CBL: variants seen among roughly 807,000 people sequenced by gnomAD.
The protein encoded by CBL is Cbl proto-oncogene.
In CBL, 45 loss-of-function variants were observed where a neutral mutation model predicts 96.9. The observed-to-expected ratio is 0.46, with a 90% CI of 0.37 to 0.60. CBL has a LOEUF of 0.60. CBL is among the 20% of genes least tolerant of loss of function. CBL has a pLI of 0.00. For missense variants in CBL, 1,024 were observed against 1,143.5 expected (o/e 0.90, Z 1.51); for synonymous variants, 420 against 426.8 (o/e 0.98, Z 0.20).
At chr11:119,268,951 C>A (rs768153975) in intron 2 of CBL, among the ~76,000 whole-genome samples, 1 of 152,184 alleles carries the variant, frequency 6.6e-6, no homozygotes, top group Non-Finnish European at 1.5e-5. Flanking sequence ...TCTCAATAAT[C>A]TAGTTTAGGG....
intron 11 of CBL, among the ~76,000 whole-genome samples, chr11:119,286,064 C>A (rs183654130): frequency 1.3e-5 from 2 of 152,066 alleles, no homozygotes; most frequent in Non-Finnish European, 1.5e-5. Flanking sequence ...TTTAGGAGGC[C>A]GAGGCGGGTG....
intron 1 of CBL, among the ~76,000 whole-genome samples, chr11:119,231,247 A>G (rs1236000651): frequency 6.6e-6 from 1 of 152,126 alleles, no homozygotes; most frequent in Non-Finnish European, 1.5e-5. Flanking sequence ...TACTAAAAAT[A>G]TGAAAATTAG....
chr11:119,261,696 G>T lies in CBL; in HGVS notation c.444-10039G>T, dbSNP rs1351259603. 6.6e-5 allele frequency among the ~76,000 whole-genome samples: 10 copies of T among 152,314 alleles called. No homozygotes were observed. The East Asian group carries it at 1.9e-3, about 29-fold the overall frequency. ...CTTTCAATTGTGGGCAAATGCTCCA[G>T]TGCATGTAATTCTACTTATTAAAGT... On this transcript the variant is annotated intron_variant, in intron 2 of 15. Transcript: ENST00000264033.
At chr11:119,224,981 A>AG (rs1439288390) in intron 1 of CBL, among the ~76,000 whole-genome samples, 1 of 152,000 alleles carries the variant, frequency 6.6e-6, no homozygotes, top group South Asian at 2.1e-4. Context: ...ATGTTGTTGA[A>AG]GGGTCAACTG....
At chr11:119,263,139 T>C (rs944160027) in intron 2 of CBL, among the ~76,000 whole-genome samples, 1 of 152,174 alleles carries the variant, frequency 6.6e-6, no homozygotes, top group Non-Finnish European at 1.5e-5. Context: ...GAGAGAAGCA[T>C]ATATTGTTGA....
At chr11:119,234,368 C>T (rs981895151) in intron 2 of CBL, among the ~76,000 whole-genome samples, 5 of 152,100 alleles carry the variant, frequency 3.3e-5, no homozygotes, top group African/African-American at 7.2e-5. Flanking sequence ...TGTAACTTCT[C>T]GTTTATTTGG....
At chr11:119,231,111 T>C (rs980877653) in intron 1 of CBL, among the ~76,000 whole-genome samples, 9 of 152,060 alleles carry the variant, frequency 5.9e-5, no homozygotes, top group Admixed American at 1.3e-4. Context: ...TTGTTAAAAC[T>C]CAAACCCCAG....
chr11:119,254,263 CAA>C (rs1949694341), intron 2 of CBL, among the ~76,000 whole-genome samples: 1 of 152,170 alleles, frequency 6.6e-6, no homozygotes, highest in African/African-American at 2.4e-5. Context: ...TATTTTACCA[CAA>C]TATTTAAAAA....
Position 119,300,580 on chromosome 11 carries a change from T to C in CBL, c.*799T>C. 1 of 399,302 alleles carries C rather than the reference T, an allele frequency of 2.5e-6. No homozygotes were observed. The allele number at this position is 399,302 out of a possible 1,614,324, so 24.7% of individuals were successfully genotyped here. Reference sequence around the variant, plus strand: ...ACACTATTATAGGCATGTTTGATACTAGCAGCTAACACTGGTCACTCCAAA... The same window carrying C: ...ACACTATTATAGGCATGTTTGATACCAGCAGCTAACACTGGTCACTCCAAA... On this transcript the variant is annotated 3_prime_UTR_variant, in exon 16 of 16. Transcript: ENST00000264033.
chr11:119,293,136 ACT>A (rs1338845821), intron 12 of CBL, among the ~76,000 whole-genome samples: 16 of 150,638 alleles, frequency 1.1e-4, no homozygotes, highest in Admixed American at 9.9e-4. Flanking sequence ...ACAGAGTCTC[ACT>A]CTGTCGCCCA....
intron 6 of CBL, among the ~76,000 whole-genome samples, chr11:119,277,447 A>C (rs1005285115): frequency 6.6e-6 from 1 of 152,184 alleles, no homozygotes; most frequent in East Asian, 1.9e-4. Context: ...ACAAATCCTA[A>C]ATGATTTTCT....
chr11:119,277,216 CA>C (rs35323530), intron 6 of CBL, among the ~76,000 whole-genome samples: 11 of 122,792 alleles, frequency 9.0e-5, no homozygotes, highest in Admixed American at 1.6e-4. Context: ...ACTGCAACCT[CA>C]AAAAAAAAAT....
At chr11:119,294,823 A>G (rs1268707252) in intron 12 of CBL, among the ~76,000 whole-genome samples, 1 of 151,222 alleles carries the variant, frequency 6.6e-6, no homozygotes, top group East Asian at 2.0e-4. Context: ...AAGGAAATAT[A>G]GGTAAGCAAC....
At position 119,272,649 on chromosome 11, in the gene CBL, G is replaced by A. The variant is rs1350295580; in HGVS notation, c.590+768G>A. On this transcript the variant is annotated intron_variant, in intron 3 of 15. Transcript: ENST00000264033. ...TAGCCCCACAGTTTGGCTAACGCTG[G>A]CGATGTGAATTGGTGTAATATTTTG... is the stretch of plus-strand genomic sequence containing the variant. Among the ~76,000 whole-genome samples the A allele has an allele frequency of 2.0e-5, 3 of 152,188 alleles. No individual in the cohort carries two copies. In the East Asian group the frequency reaches 5.8e-4, roughly 29 times the overall value.
chr11:119,295,505 T>C lies in CBL; in HGVS notation c.2037-1413T>C, dbSNP rs535334011. On this transcript the variant is annotated intron_variant, in intron 12 of 15. Transcript: ENST00000264033. The stretch of plus-strand genomic sequence containing the variant: ...GGGAGGCTGGGGCGGGAGGATCACT[T>C]GAACCCAAGAGTTTAAGACCAGCCT... Among the ~76,000 whole-genome samples, 83 of 152,130 alleles carry C rather than the reference T, an allele frequency of 5.5e-4. 1 individual carries two copies. The highest frequency in any genetic ancestry group is 1.9e-3 in the African/African-American group (78 of 41,490).
Position 119,302,792 on chromosome 11 carries a change from C to T in CBL, c.*3011C>T. 1 of 230,952 alleles carries T rather than the reference C, an allele frequency of 4.3e-6. No individual in the cohort carries two copies. The allele number at this position is 230,952 out of a possible 1,614,324, so 14.3% of individuals were successfully genotyped here. ...TTAAGTAATAGACCAGGCAGCTTCT[C>T]ATCTCAGCATTTACCTGTTAATATT... On this transcript the variant is annotated 3_prime_UTR_variant, in exon 16 of 16. Coordinates refer to ENST00000264033, the MANE Select transcript of CBL (RefSeq NM_005188.4).
chr11:119,206,381 C>G lies in CBL; in HGVS notation c.-37C>G, dbSNP rs1011548259. The G allele has an allele frequency of 1.4e-6, 2 of 1,452,578 alleles. No individual in the cohort carries two copies. Among genetic ancestry groups the G allele is most frequent in the Admixed American group, 2.4e-5 (1 of 42,194 alleles). The allele number at this position is 1,452,578 out of a possible 1,614,324, so 90.0% of individuals were successfully genotyped here. ...CTCCCTCGCTCGCAGTCGAGCCGAG[C>G]CGGCGGACCCGCCTGGGCTCCGACC... On this transcript the variant is annotated 5_prime_UTR_variant, in exon 1 of 16. Transcript: ENST00000264033.
At chr11:119,293,091 G>GT (rs1373974954) in intron 12 of CBL, among the ~76,000 whole-genome samples, 6 of 149,240 alleles carry the variant, frequency 4.0e-5, no homozygotes, top group African/African-American at 1.5e-4. Context: ...TTTTAAAAAT[G>GT]TATCGATTCC....
intron 5 of CBL, 30 bp downstream of exon 5, chr11:119,274,983 C>T: frequency 6.2e-7 from 1 of 1,600,650 alleles, no homozygotes; most frequent in African/African-American, 1.4e-5. Context: ...GAGATTTATT[C>T]TTCTGAATTT....
Sources: allele counts gnomAD v4.1 joint callset (sites outside exome capture counted in the v4.1 genomes callset), GRCh38; gene constraint gnomAD v4.1.1; transcripts MANE v1.5; gene names NCBI Gene and HGNC (gene_info 2026-07-23, HGNC 2026-07-21).